The following ACKR2 variants were observed in gnomAD, a reference collection of about 807,000 sequenced individuals.
The protein encoded by ACKR2 is atypical chemokine receptor 2, also known as C-C chemokine receptor D6.
For synonymous variants in ACKR2, 207 were observed against 192.2 expected, an observed-to-expected ratio of 1.08 and a Z score of -0.64; for missense variants, 457 against 477.3, an observed-to-expected ratio of 0.96 and a Z score of 0.40.
rs1417836109 is a variant in ACKR2 at position 42,865,329 on chromosome 3, TGGACCTGCAAGTATTCG to T, written c.831_847del (p.Asp277GlufsTer3). On this transcript the variant is annotated frameshift_variant, in exon 3 of 3. Coordinates refer to ENST00000422265, the MANE Select transcript of ACKR2 (RefSeq NM_001296.5). LOFTEE classifies it low-confidence loss of function (END_TRUNC). ...CTCACCTTGTTTCTGCATACGCTGT[TGGACCTGCAAGTATTCG>T]GGAACTGTGAGGTCAGCCAGCATCT... 1 of 1,614,248 alleles carries T rather than the reference TGGACCTGCAAGTATTCG, an allele frequency of 6.2e-7. No individual in the cohort carries two copies. The highest frequency in any genetic ancestry group is 1.1e-5 in the South Asian group (1 of 91,086).
intron 2 of ACKR2, among the ~76,000 whole-genome samples, chr3:42,822,004 C>CT (rs1700813836): frequency 6.6e-6 from 1 of 152,006 alleles, no homozygotes; most frequent in African/African-American, 2.4e-5. Context: ...CCAGAATATA[C>CT]TTTTCAATCT....
intron 2 of ACKR2, among the ~76,000 whole-genome samples, chr3:42,853,952 A>G (rs537061983): frequency 6.6e-6 from 1 of 152,304 alleles, no homozygotes; most frequent in African/African-American, 2.4e-5. Context: ...ATCAGTTTGC[A>G]TGTTGAATCA....
intron 2 of ACKR2, among the ~76,000 whole-genome samples, chr3:42,840,257 C>T (rs1322482276): frequency 2.9e-5 from 2 of 67,928 alleles, no homozygotes; most frequent in African/African-American, 1.1e-4. Context: ...GAGACTCCGT[C>T]TCAAAAAAAA....
Position 42,865,374 on chromosome 3 carries a change from A to G in ACKR2, c.872A>G (p.Asp291Gly). The change falls in exon 3 of 3, where the codon GAC (aspartate) becomes GGC (glycine). Residue 291 changes from aspartate (D) to glycine (G), a missense_variant. Transcript: ENST00000422265. ...AACTGTGAGGTCAGCCAGCATCTAG[A>G]CTACGCACTCCAGGTAACAGAGAGC... Reference protein sequence around the residue: ...FGNCEVSQHLDYALQVTESIA... With the variant: ...FGNCEVSQHLGYALQVTESIA... The G allele has an allele frequency of 6.2e-7, 1 of 1,614,144 alleles. No homozygotes were observed. Among genetic ancestry groups the G allele is most frequent in the Non-Finnish European group, 8.5e-7 (1 of 1,180,034 alleles).
chr3:42,864,756 T>G lies in ACKR2; in HGVS notation c.254T>G (p.Leu85Arg). The G allele has an allele frequency of 6.2e-7, 1 of 1,614,238 alleles. No homozygotes were observed. Among genetic ancestry groups the G allele is most frequent in the South Asian group, 1.1e-5 (1 of 91,078 alleles). ...VPRRRMVEIY[L>R]LNLAISNLLF... is the part of the protein sequence containing the mutation. ...CGCAGGCGGATGGTTGAGATCTATCTGCTGAATCTGGCCATCTCCAACCTT... is the reference window on the plus strand; with the variant it reads ...CGCAGGCGGATGGTTGAGATCTATCGGCTGAATCTGGCCATCTCCAACCTT... The change falls in exon 3 of 3, where the codon CTG (leucine) becomes CGG (arginine). Residue 85 changes from leucine (L) to arginine (R), a missense_variant. Coordinates refer to ENST00000422265, the MANE Select transcript of ACKR2 (RefSeq NM_001296.5).
Position 42,865,199 on chromosome 3 carries a change from A to G in ACKR2, c.697A>G (p.Ile233Val). Residue 233 changes from isoleucine to valine, a missense_variant, in exon 3 of 3, where the codon ATT becomes GTT. Physicochemically the swap from Ile to Val is conservative, Grantham distance 29. Coordinates refer to ENST00000422265, the MANE Select transcript of ACKR2 (RefSeq NM_001296.5). The stretch of plus-strand genomic sequence containing the variant: ...TGCCATGATCTTCTTCTACTCCCGT[A>G]TTGGTTGTGTCTTGGTGAGGCTGAG... ...LLAMIFFYSR[I>V]GCVLVRLRPA... is the part of the protein sequence containing the mutation. 2 of 1,613,898 alleles carry G rather than the reference A, an allele frequency of 1.2e-6. No homozygotes were observed. The highest frequency in any genetic ancestry group is 1.7e-6 in the Non-Finnish European group (2 of 1,179,972).
rs1416701121 is a variant in ACKR2 at position 42,819,718 on chromosome 3, A to C, written c.-38+7A>C. On this transcript the variant is annotated splice_region_variant and intron_variant, in intron 2 of 2. Coordinates refer to ENST00000422265, the MANE Select transcript of ACKR2 (RefSeq NM_001296.5). ...GCCTCTCTGCAAAGTTGAGGTAAGC[A>C]GCTGAGTTCAATGATGCTGGCTGCA... The C allele has an allele frequency of 1.3e-5, 2 of 152,316 alleles. No homozygotes were observed. Among genetic ancestry groups the C allele is most frequent in the Admixed American group, 1.3e-4 (2 of 15,284 alleles). The allele number at this position is 152,316 out of a possible 1,614,324, so 9.4% of individuals were successfully genotyped here.
chr3:42,847,232 G>A (rs949796629), intron 2 of ACKR2, among the ~76,000 whole-genome samples: 1 of 152,342 alleles, frequency 6.6e-6, no homozygotes, highest in South Asian at 2.1e-4. Context: ...GGCAGTTGGG[G>A]AAAGGATTAT....
chr3:42,829,858 C>T (rs189017513), intron 2 of ACKR2, among the ~76,000 whole-genome samples: 11 of 152,226 alleles, frequency 7.2e-5, no homozygotes, highest in Admixed American at 2.6e-4. Context: ...CAAAGGGCAC[C>T]GGGGTACATG....
At chr3:42,819,270 GT>G in intron 1 of ACKR2, among the ~76,000 whole-genome samples, 1 of 152,256 alleles carries the variant, frequency 6.6e-6, no homozygotes, top group South Asian at 2.1e-4. Flanking sequence ...ATAATTTTAT[GT>G]AATTCTATGT....
intron 2 of ACKR2, among the ~76,000 whole-genome samples, chr3:42,831,203 C>T (rs952978497): frequency 2.0e-5 from 3 of 152,160 alleles, no homozygotes; most frequent in Non-Finnish European, 4.4e-5. Context: ...CTGCCACGCT[C>T]ACCTAGGAGA....
chr3:42,864,998 A>G lies in ACKR2; in HGVS notation c.496A>G (p.Thr166Ala), dbSNP rs758137753. The change falls in exon 3 of 3, where the codon ACC (threonine) becomes GCC (alanine). Residue 166 changes from threonine to alanine, a missense_variant. Coordinates refer to ENST00000422265, the MANE Select transcript of ACKR2 (RefSeq NM_001296.5). Reference protein sequence around the residue: ...RTRAKSLLLATIVWAVSLAVS... With the variant: ...RTRAKSLLLAAIVWAVSLAVS... ...CCGGGCCAAGAGCCTGCTCCTTGCT[A>G]CCATAGTATGGGCTGTGTCCCTGGC... 1 of 1,614,086 alleles carries G rather than the reference A, an allele frequency of 6.2e-7. No individual in the cohort carries two copies. Among genetic ancestry groups the G allele is most frequent in the Non-Finnish European group, 8.5e-7 (1 of 1,180,008 alleles).
intron 2 of ACKR2, chr3:42,851,376 C>A (rs934625619): frequency 1.0e-4 from 103 of 985,346 alleles, no homozygotes; most frequent in Middle Eastern, 1.0e-3. Context: ...CTGCACTTCC[C>A]TGAGGAAGAG....
chr3:42,827,566 A>G (rs1486157974), intron 2 of ACKR2, among the ~76,000 whole-genome samples: 3 of 152,202 alleles, frequency 2.0e-5, no homozygotes, highest in Non-Finnish European at 2.9e-5. Context: ...ATCCAGAGCC[A>G]TAAACTACCT....
In ACKR2 at chr3:42,822,813, CAA is replaced by C. The variant is rs71072739; in HGVS notation, c.-38+3123_-38+3124del. Among the ~76,000 whole-genome samples the C allele has an allele frequency of 6.2e-4, 51 of 81,860 alleles. 1 individual carries two copies. The highest frequency in any genetic ancestry group is 1.2e-3 in the South Asian group (3 of 2,562). 53.7% of individuals were successfully genotyped at this position (81,860 alleles called of 152,430 possible). ...TGGGTGACAGAGCAAGACTCCAGCTCAAAAAAAAAAAAAAAAAAAAAAGAATA... is the reference window on the plus strand; with the variant it reads ...TGGGTGACAGAGCAAGACTCCAGCTCAAAAAAAAAAAAAAAAAAAAGAATA... On this transcript the variant is annotated intron_variant, in intron 2 of 2. Transcript: ENST00000422265.
At chr3:42,845,848 C>CAAAAAAAAAAAAAAA (rs35395771) in intron 2 of ACKR2, among the ~76,000 whole-genome samples, 3 of 49,300 alleles carry the variant, frequency 6.1e-5, no homozygotes, top group East Asian at 6.7e-4. Flanking sequence ...GACTCCGTCT[C>CAAAAAAAAAAAAAAA]AAAAAAAAAA....
At chr3:42,845,956 C>T (rs1701090942) in intron 2 of ACKR2, among the ~76,000 whole-genome samples, 1 of 151,284 alleles carries the variant, frequency 6.6e-6, no homozygotes. Context: ...ATATCTGATT[C>T]AGAAGGGAAA....
At chr3:42,860,199 G>A (rs75790687) in intron 2 of ACKR2, among the ~76,000 whole-genome samples, 9,028 of 90,484 alleles carry the variant, frequency 0.1, 424 homozygotes, top group Middle Eastern at 0.17. Context: ...AGCAGGGGAT[G>A]CAATCCTAGT....
In ACKR2 at chr3:42,852,196, C is replaced by G. The variant is rs917747792; in HGVS notation, c.-37-12270C>G. Among the ~76,000 whole-genome samples the G allele has an allele frequency of 6.6e-6, 1 of 152,226 alleles. No individual in the cohort carries two copies. The highest frequency in any genetic ancestry group is 1.5e-5 in the Non-Finnish European group (1 of 68,046). On this transcript the variant is annotated intron_variant, in intron 2 of 2. Coordinates refer to ENST00000422265, the MANE Select transcript of ACKR2 (RefSeq NM_001296.5). This position sits in a 1 kb window ranked among gnomAD's most constrained non-coding sequence, Gnocchi z 4.3. ...TAAGCTATATTCTGTCTGTTCTACC[C>G]TGCCTATTCTGTCTATTCTACCATG...
Sources: gnomAD v4.1 joint callset for allele counts (sites outside exome capture counted in the v4.1 genomes callset) on GRCh38, gnomAD v4.1.1 for gene constraint, Gnocchi (gnomAD v3.1) non-coding constraint, MANE v1.5 for transcripts, NCBI Gene and HGNC (gene_info 2026-07-23, HGNC 2026-07-21) for gene names.